Variants in DEPTOR observed in about 807,000 individuals in gnomAD.
DEPTOR encodes the protein DEP domain containing MTOR interacting protein.
In DEPTOR, 41 loss-of-function variants were observed where a neutral mutation model predicts 41.6. That is an observed-to-expected ratio of 0.98 (90% CI 0.77 to 1.28). DEPTOR has a LOEUF of 1.28. Ranked by LOEUF, DEPTOR falls within the 50% of genes most tolerant of loss-of-function variation. DEPTOR has a pLI of 0.00. For synonymous variants in DEPTOR, 195 were observed against 192.3 expected (o/e 1.01, Z -0.12); for missense variants, 514 against 527.9 (o/e 0.97, Z 0.26).
chr8:119,960,849 TG>T (rs1828480777), intron 3 of DEPTOR, among the ~76,000 whole-genome samples: 1 of 151,876 alleles, frequency 6.6e-6, no homozygotes, highest in Admixed American at 6.6e-5. Context: ...CTGGGCTTGG[TG>T]GCACGTGCCT....
chr8:120,021,932 G>A (rs1251308919), intron 8 of DEPTOR, among the ~76,000 whole-genome samples: 2 of 151,878 alleles, frequency 1.3e-5, no homozygotes, highest in Non-Finnish European at 2.9e-5. Context: ...ATCACCTGAA[G>A]CCAGGAGTCT....
chr8:119,967,666 A>G (rs932515239), intron 4 of DEPTOR, among the ~76,000 whole-genome samples: 5 of 150,408 alleles, frequency 3.3e-5, no homozygotes, highest in African/African-American at 1.2e-4. Flanking sequence ...AGGCAAGAGA[A>G]TCGCTTGAAC....
At chr8:119,957,712 C>T (rs917997366) in intron 3 of DEPTOR, among the ~76,000 whole-genome samples, 1 of 152,066 alleles carries the variant, frequency 6.6e-6, no homozygotes, top group South Asian at 2.1e-4. Context: ...CCTCAGCCTC[C>T]CATGTAGCTG....
chr8:119,873,941 A>C lies in DEPTOR; in HGVS notation c.95A>C (p.Glu32Ala), dbSNP rs759952533. 14 of 1,613,670 alleles carry C rather than the reference A, an allele frequency of 8.7e-6. 1 individual carries two copies. In the South Asian group the frequency reaches 1.5e-4, roughly 18 times the overall value. ...AQQRELERMAEVLVTGEQLRL... is the reference protein window; with the variant it reads ...AQQRELERMAAVLVTGEQLRL... The stretch of plus-strand genomic sequence containing the variant: ...CAAAGGGAGCTGGAGCGCATGGCTG[A>C]GGTCTTGGTCACCGGGGAACAGCTA... The change falls in exon 1 of 9, where the codon GAG becomes GCG. Residue 32 changes from glutamate to alanine, a missense_variant. Coordinates refer to ENST00000286234, the MANE Select transcript of DEPTOR (RefSeq NM_022783.4).
intron 1 of DEPTOR, among the ~76,000 whole-genome samples, chr8:119,914,503 G>A (rs1480623567): frequency 2.0e-5 from 3 of 151,392 alleles, no homozygotes; most frequent in East Asian, 2.0e-4. Flanking sequence ...GCAGTGGCAC[G>A]ATCTTGGCTC....
At chr8:119,978,336 T>C (rs1222177586) in intron 4 of DEPTOR, among the ~76,000 whole-genome samples, 1 of 152,158 alleles carries the variant, frequency 6.6e-6, no homozygotes, top group African/African-American at 2.4e-5. Context: ...GCCTGTAGAA[T>C]GAGGTCTCAG....
intron 4 of DEPTOR, among the ~76,000 whole-genome samples, chr8:119,993,212 T>C (rs1259443331): frequency 3.3e-5 from 5 of 152,242 alleles, no homozygotes; most frequent in South Asian, 2.1e-4. Context: ...GACATTTCCC[T>C]CATGATTTCT....
intron 1 of DEPTOR, among the ~76,000 whole-genome samples, chr8:119,895,750 C>T (rs4871013): frequency 0.5 from 75,859 of 151,940 alleles, 20,669 homozygotes; most frequent in East Asian, 0.92. Context: ...GGCATGTCTG[C>T]ACACTTTCCA....
intron 4 of DEPTOR, among the ~76,000 whole-genome samples, chr8:119,984,299 G>C (rs1430231998): frequency 6.6e-6 from 1 of 151,804 alleles, no homozygotes; most frequent in Admixed American, 6.6e-5. Context: ...TTTAATTTTT[G>C]TTATACTTCA....
chr8:120,002,776 C>CAAAA (rs1173820465), intron 5 of DEPTOR, among the ~76,000 whole-genome samples: 1,824 of 54,334 alleles, frequency 0.034, 159 homozygotes, highest in Non-Finnish European at 0.047. Context: ...GACTCCATCT[C>CAAAA]AAAAAAAAAA....
intron 3 of DEPTOR, among the ~76,000 whole-genome samples, chr8:119,940,744 A>T (rs1295128367): frequency 6.6e-6 from 1 of 152,178 alleles, no homozygotes; most frequent in Non-Finnish European, 1.5e-5. Context: ...GTCTCAAATT[A>T]AAAAAAGAAT....
intron 3 of DEPTOR, among the ~76,000 whole-genome samples, chr8:119,962,101 A>G (rs1828500347): frequency 6.6e-6 from 1 of 151,114 alleles, no homozygotes; most frequent in African/African-American, 2.4e-5. Flanking sequence ...AAAAAAAAAA[A>G]AAAAAAGTAG....
chr8:119,937,556 T>A (rs908310360), intron 3 of DEPTOR, among the ~76,000 whole-genome samples: 3 of 152,210 alleles, frequency 2.0e-5, no homozygotes, highest in Admixed American at 6.5e-5. Flanking sequence ...GTTAAAGTTG[T>A]TACCTTTTGT....
chr8:119,906,924 G>A (rs781027144), intron 1 of DEPTOR, among the ~76,000 whole-genome samples: 3 of 152,180 alleles, frequency 2.0e-5, no homozygotes, highest in Non-Finnish European at 4.4e-5. Context: ...CATGGTGCCT[G>A]TGGTGAGTGA....
intron 3 of DEPTOR, among the ~76,000 whole-genome samples, chr8:119,955,552 T>C (rs537919095): frequency 6.6e-6 from 1 of 151,756 alleles, no homozygotes; most frequent in African/African-American, 2.4e-5. Flanking sequence ...CCGCAACCTC[T>C]CCCTCCTGAG....
chr8:120,003,915 T>C (rs577806908), intron 6 of DEPTOR, among the ~76,000 whole-genome samples: 1 of 152,302 alleles, frequency 6.6e-6, no homozygotes, highest in East Asian at 1.9e-4. Flanking sequence ...CTTGCCAGGA[T>C]GAGGATGTGT....
At chr8:119,923,893 C>CTTTTCTTTTTTTT (rs1554673843) in intron 1 of DEPTOR, among the ~76,000 whole-genome samples, 9 of 104,978 alleles carry the variant, frequency 8.6e-5, no homozygotes, top group African/African-American at 1.8e-4. Context: ...TTTTTTCTTT[C>CTTTTCTTTTTTTT]TTTTTTTTTT....
At chr8:119,967,433 T>C (rs572977799) in intron 4 of DEPTOR, among the ~76,000 whole-genome samples, 1 of 151,968 alleles carries the variant, frequency 6.6e-6, no homozygotes, top group Admixed American at 6.6e-5. Context: ...GATAATTTCT[T>C]TATGGCCTGT....
At chr8:120,030,747 C>T (rs908362082) in intron 8 of DEPTOR, among the ~76,000 whole-genome samples, 5 of 151,968 alleles carry the variant, frequency 3.3e-5, no homozygotes, top group Middle Eastern at 3.4e-3. Context: ...TCAAGTAATG[C>T]ACTCGCCTTG....
Sources: gnomAD v4.1 joint callset for allele counts (sites outside exome capture counted in the v4.1 genomes callset) on GRCh38, gnomAD v4.1.1 for gene constraint, MANE v1.5 for transcripts, NCBI Gene and HGNC (gene_info 2026-07-23, HGNC 2026-07-21) for gene names.